Variants in TNFRSF9 observed in about 807,000 individuals in gnomAD.
TNFRSF9 encodes the protein tumor necrosis factor receptor superfamily member 9.
In TNFRSF9, 16 loss-of-function variants were observed where a neutral mutation model predicts 28.8. That is an observed-to-expected ratio of 0.55 (90% confidence interval 0.38 to 0.84). The LOEUF is 0.84. Among genes scored for constraint, TNFRSF9 ranks in the 40% least tolerant of loss-of-function variants. The pLI is 0.00. For synonymous variants in TNFRSF9, 131 were observed against 117.0 expected (o/e 1.12, Z -0.77); for missense variants, 303 against 315.0 (o/e 0.96, Z 0.29).
At chr1:7,929,414 G>A (rs1040482806) in intron 7 of TNFRSF9, among the ~76,000 whole-genome samples, 9 of 151,856 alleles carry the variant, frequency 5.9e-5, no homozygotes, top group East Asian at 1.9e-4. Flanking sequence ...TGATCCATCC[G>A]CCTCAGCCTC....
Position 7,939,945 on chromosome 1 carries a change from T to C in TNFRSF9, c.50A>G (p.Asn17Ser), listed in dbSNP as rs778222026. ...NIVATLLLVLNFERTRSLQDP... is the reference protein window; with the variant it reads ...NIVATLLLVLSFERTRSLQDP... ...CTGCAATGATCTTGTCCTCTCAAAGTTGAGGACCAGCAACAGAGTGGCTAC... is the reference window on the plus strand; with the variant it reads ...CTGCAATGATCTTGTCCTCTCAAAGCTGAGGACCAGCAACAGAGTGGCTAC... Residue 17 changes from asparagine (N) to serine (S), a missense_variant, in exon 2 of 8, where the codon AAC (asparagine) becomes AGC (serine). Transcript: ENST00000377507. 2 of 1,606,546 alleles carry C rather than the reference T, an allele frequency of 1.2e-6. No individual in the cohort carries two copies. The highest frequency in any genetic ancestry group is 1.7e-6 in the Non-Finnish European group (2 of 1,173,772).
chr1:7,933,293 T>C lies in TNFRSF9; in HGVS notation c.548A>G (p.His183Arg), dbSNP rs781704295. Reference sequence around the variant, plus strand: ...AAAGAAGGAGATGATCTGCGGAGAGTGTCCTGCAAAACACAGCAAAAGGAG... The same window carrying C: ...AAAGAAGGAGATGATCTGCGGAGAGCGTCCTGCAAAACACAGCAAAAGGAG... ...TPPAPAREPG[H>R]SPQIISFFLA... Residue 183 changes from histidine to arginine, a missense_variant, in exon 7 of 8, where the codon CAC (histidine) becomes CGC (arginine). By Grantham distance (29) the His-to-Arg change is conservative. Coordinates refer to ENST00000377507, the MANE Select transcript of TNFRSF9 (RefSeq NM_001561.6). 8.1e-6 allele frequency: 13 copies of C among 1,612,180 alleles called. No homozygotes were observed. The South Asian group carries it at 1.1e-4, about 14-fold the overall frequency.
At position 7,920,292 on chromosome 1, in the gene TNFRSF9, A is replaced by G. The variant is rs1639538084; in HGVS notation, c.*543T>C. ...AACTAGCTCAAACCTGTTAAGTGGT[A>G]TCTAGAAAATGCTTTTTTTTTTTTT... is the stretch of plus-strand genomic sequence containing the variant. On this transcript the variant is annotated 3_prime_UTR_variant, in exon 8 of 8. Transcript: ENST00000377507. 1.4e-5 allele frequency: 2 copies of G among 147,042 alleles called. No individual in the cohort carries two copies. Among genetic ancestry groups the G allele is most frequent in the Admixed American group, 6.9e-5 (1 of 14,406 alleles). 9.1% of individuals were successfully genotyped at this position (147,042 alleles called of 1,614,324 possible).
At chr1:7,930,812 G>T (rs760106200) in intron 7 of TNFRSF9, among the ~76,000 whole-genome samples, 1 of 152,084 alleles carries the variant, frequency 6.6e-6, no homozygotes, top group Non-Finnish European at 1.5e-5. Context: ...AAGTGAGAAC[G>T]CAGAGGTTTA....
intron 2 of TNFRSF9, 22 bp downstream of exon 2, chr1:7,939,873 C>T: frequency 1.9e-6 from 3 of 1,563,624 alleles, no homozygotes; most frequent in Non-Finnish European, 2.6e-6. Context: ...AGATCAAATG[C>T]ACATGATAAC....
rs1293928001 is a variant in TNFRSF9 at position 7,922,229 on chromosome 1, C to A, written c.680-1306G>T. Among the ~76,000 whole-genome samples, 3 of 152,108 alleles carry A rather than the reference C, an allele frequency of 2.0e-5. No homozygotes were observed. The East Asian group carries it at 5.8e-4, about 29-fold the overall frequency. ...TCTCCTAGAACTTATGAAAAACTGG[C>A]AAGATGTTCAGAAATACCAACGGGA... On this transcript the variant is annotated intron_variant, in intron 7 of 7. Coordinates refer to ENST00000377507, the MANE Select transcript of TNFRSF9 (RefSeq NM_001561.6).
intron 6 of TNFRSF9, among the ~76,000 whole-genome samples, chr1:7,934,793 C>T (rs531410727): frequency 1.3e-5 from 2 of 152,306 alleles, no homozygotes; most frequent in South Asian, 4.1e-4. Context: ...GATATAGACT[C>T]TGTTTGGGTG....
chr1:7,940,563 A>C (rs1158029827), intron 1 of TNFRSF9, among the ~76,000 whole-genome samples: 1 of 152,180 alleles, frequency 6.6e-6, no homozygotes, highest in Non-Finnish European at 1.5e-5. Flanking sequence ...TCACTAACAC[A>C]TTTTCTTAAA....
At position 7,933,286 on chromosome 1, in the gene TNFRSF9, C is replaced by T. The variant is rs150424591; in HGVS notation, c.555G>A (p.Pro185=). 6.2e-6 allele frequency: 10 copies of T among 1,613,044 alleles called. No individual in the cohort carries two copies. The highest frequency in any genetic ancestry group is 2.2e-5 in the South Asian group (2 of 90,906). ...GCGCAAGAAAGAAGGAGATGATCTG[C>T]GGAGAGTGTCCTGCAAAACACAGCA... ...PAPAREPGHS[P]QIISFFLALT... is the part of the protein sequence containing the mutation. Residue 185 remains proline (P), a synonymous_variant, in exon 7 of 8, where the codon CCG becomes CCA. Coordinates refer to ENST00000377507, the MANE Select transcript of TNFRSF9 (RefSeq NM_001561.6).
chr1:7,921,148 C>T (rs1477373624), intron 7 of TNFRSF9, among the ~76,000 whole-genome samples: 1 of 151,340 alleles, frequency 6.6e-6, no homozygotes, highest in African/African-American at 2.4e-5. Flanking sequence ...CCAGCGTGGC[C>T]AACATAGCAA....
At chr1:7,922,098 T>C (rs1639569045) in intron 7 of TNFRSF9, 1 of 152,240 alleles carries the variant, frequency 6.6e-6, no homozygotes, top group Non-Finnish European at 1.5e-5. Flanking sequence ...TTTGTGTTAC[T>C]GCTCCGCAAA....
In TNFRSF9 at chr1:7,932,675, A is replaced by ACAAACGCACGCACGCGCACACACACACG. The variant is rs1199719078; in HGVS notation, c.679+486_679+487insCGTGTGTGTGTGCGCGTGCGTGCGTTTG. ...CCTCCACACGCACACACACACATAC[A>ACAAACGCACGCACGCGCACACACACACG]CACACGCACGCACGCGCACACACAC... On this transcript the variant is annotated intron_variant, in intron 7 of 7. Coordinates refer to ENST00000377507, the MANE Select transcript of TNFRSF9 (RefSeq NM_001561.6). Among the ~76,000 whole-genome samples the ACAAACGCACGCACGCGCACACACACACG allele has an allele frequency of 5.9e-5, 9 of 151,298 alleles. No individual in the cohort carries two copies. In the East Asian group the frequency reaches 1.7e-3, roughly 29 times the overall value.
intron 7 of TNFRSF9, among the ~76,000 whole-genome samples, chr1:7,925,276 C>G (rs1452516840): frequency 6.6e-6 from 1 of 151,402 alleles, no homozygotes; most frequent in Non-Finnish European, 1.5e-5. Flanking sequence ...CCACTGCATT[C>G]CAGCCTGGGC....
Position 7,939,962 on chromosome 1 carries a change from A to G in TNFRSF9, c.33T>C (p.Thr11=). 1 of 1,604,870 alleles carries G rather than the reference A, an allele frequency of 6.2e-7. No homozygotes were observed. Among genetic ancestry groups the G allele is most frequent in the Non-Finnish European group, 8.5e-7 (1 of 1,172,450 alleles). Residue 11 remains threonine (T), a synonymous_variant, in exon 2 of 8, where the codon ACT becomes ACC. Coordinates refer to ENST00000377507, the MANE Select transcript of TNFRSF9 (RefSeq NM_001561.6). Reference sequence around the variant, plus strand: ...TCTCAAAGTTGAGGACCAGCAACAGAGTGGCTACTATGTTGTAACAGCTGT... The same window carrying G: ...TCTCAAAGTTGAGGACCAGCAACAGGGTGGCTACTATGTTGTAACAGCTGT... MGNSCYNIVA[T]LLLVLNFERT... is the part of the protein sequence containing the mutation.
At chr1:7,931,265 A>C (rs1215337030) in intron 7 of TNFRSF9, among the ~76,000 whole-genome samples, 1 of 152,248 alleles carries the variant, frequency 6.6e-6, no homozygotes, top group Non-Finnish European at 1.5e-5. Context: ...CGTTATTTCT[A>C]GGTTAAAAAA....
chr1:7,933,416 C>T (rs1639766309), intron 6 of TNFRSF9, 120 bp from the exon 7 acceptor site: 1 of 1,225,392 alleles, frequency 8.2e-7, no homozygotes, highest in Non-Finnish European at 1.1e-6. Context: ...TGGGCATCTC[C>T]AACCTGCTAA....
chr1:7,937,923 C>T (rs890291535), intron 4 of TNFRSF9, among the ~76,000 whole-genome samples, 167 bp from the exon 5 acceptor site: 1 of 152,084 alleles, frequency 6.6e-6, no homozygotes, highest in East Asian at 1.9e-4. Flanking sequence ...TTTAATTGTA[C>T]ATAAAGTATT....
chr1:7,929,572 GCTCT>G (rs1364597621), intron 7 of TNFRSF9, among the ~76,000 whole-genome samples: 5 of 151,910 alleles, frequency 3.3e-5, no homozygotes, highest in Non-Finnish European at 4.4e-5. Flanking sequence ...TTTTAGAGAG[GCTCT>G]CTCTATCTAT....
At chr1:7,923,560 T>C (rs1222294422) in intron 7 of TNFRSF9, among the ~76,000 whole-genome samples, 1 of 151,966 alleles carries the variant, frequency 6.6e-6, no homozygotes, top group Admixed American at 6.6e-5. Context: ...ATCCAGAAAC[T>C]GGGTGTGGGG....
Sources: gnomAD v4.1 joint callset for allele counts (sites outside exome capture counted in the v4.1 genomes callset) on GRCh38, gnomAD v4.1.1 for gene constraint, MANE v1.5 for transcripts, NCBI Gene and HGNC (gene_info 2026-07-23, HGNC 2026-07-21) for gene names.